NAV2: variants seen among roughly 807,000 people sequenced by gnomAD.
The protein encoded by NAV2 is helicase, APC down-regulated 1.
A neutral mutation model predicts 223.2 loss-of-function variants in NAV2; 54 were observed. The observed-to-expected ratio is 0.24, with a 90% CI of 0.19 to 0.30. NAV2 has a LOEUF of 0.30. NAV2 is among the 10% of genes least tolerant of loss of function. NAV2 has a pLI of 1.00. For synonymous variants in NAV2, 1,279 were observed against 1,239.3 expected (o/e 1.03, Z -0.67); for missense variants, 2,806 against 3,147.5 (o/e 0.89, Z 2.60).
rs1591361351 is a variant in NAV2, at chr11:19,944,667, CTCTTT to C, written c.2147-1729_2147-1725del. On this transcript the variant is annotated intron_variant, in intron 8 of 37. Coordinates refer to ENST00000349880, the MANE Select transcript of NAV2 (RefSeq NM_145117.5). The stretch of plus-strand genomic sequence containing the variant: ...CTTTTCTTTCCTTTCCTTTTCTTTT[CTCTTT>C]TCTTCTCTTCTCTTTTCTTTCTTTC... 4.6e-5 allele frequency among the ~76,000 whole-genome samples: 5 copies of C among 108,356 alleles called. No homozygotes were observed. The East Asian group carries it at 1.0e-3, about 23-fold the overall frequency. 71.1% of individuals were successfully genotyped at this position (108,356 alleles called of 152,430 possible). A position where few individuals can be genotyped will look rare whatever the true frequency, so the allele number is the denominator to read the frequency against.
At position 19,493,978 on chromosome 11, in the gene NAV2, T is replaced by C. The variant is rs562428157; in HGVS notation, c.75+142951T>C. ...CTCTTAGCAGGAGAACTGTTTGATCTCCCTCTGGCTGGATCTGTAGCTGTG... is the reference window on the plus strand; with the variant it reads ...CTCTTAGCAGGAGAACTGTTTGATCCCCCTCTGGCTGGATCTGTAGCTGTG... On this transcript the variant is annotated intron_variant, in intron 1 of 37. Transcript: ENST00000360655. Among the ~76,000 whole-genome samples, 221 of 152,364 alleles carry C rather than the reference T, an allele frequency of 1.5e-3. 1 individual carries two copies. Among genetic ancestry groups the C allele is most frequent in the Non-Finnish European group, 2.5e-3 (171 of 68,030 alleles).
At chr11:19,482,437 ATTG>A (rs1429712190) in intron 1 of NAV2, among the ~76,000 whole-genome samples, 1 of 152,152 alleles carries the variant, frequency 6.6e-6, no homozygotes, top group Non-Finnish European at 1.5e-5. Flanking sequence ...CCCCGGGGTT[ATTG>A]TTGCCTGTGG....
At chr11:19,902,263 A>T (rs1027418428) in intron 6 of NAV2, among the ~76,000 whole-genome samples, 1 of 152,190 alleles carries the variant, frequency 6.6e-6, no homozygotes, top group African/African-American at 2.4e-5. Flanking sequence ...CATTTTCTTG[A>T]TCTACTGTGT....
At chr11:20,102,340 C>T (rs964493378) in intron 32 of NAV2, among the ~76,000 whole-genome samples, 10 of 152,166 alleles carry the variant, frequency 6.6e-5, no homozygotes, top group African/African-American at 2.4e-4. Flanking sequence ...ATGTTACCCC[C>T]TGAGCAAGCA....
intron 1 of NAV2, among the ~76,000 whole-genome samples, chr11:19,609,462 G>T (rs538033758): frequency 7.2e-5 from 11 of 152,154 alleles, no homozygotes; most frequent in Non-Finnish European, 1.0e-4. Context: ...GGGAAGAAGA[G>T]CAGGTGAAGG....
At chr11:19,692,752 C>A (rs2049215359) in intron 1 of NAV2, among the ~76,000 whole-genome samples, 1 of 152,154 alleles carries the variant, frequency 6.6e-6, no homozygotes, top group South Asian at 2.1e-4. Flanking sequence ...AGCCAGGCAT[C>A]GTTCTAGACT....
intron 6 of NAV2, among the ~76,000 whole-genome samples, chr11:19,928,901 A>G (rs575253773): frequency 6.6e-6 from 1 of 152,074 alleles, no homozygotes; most frequent in Non-Finnish European, 1.5e-5. Context: ...TTAACTTACT[A>G]TCTGAGAAGC....
chr11:19,852,811 A>G (rs2061221311), intron 3 of NAV2, among the ~76,000 whole-genome samples: 1 of 152,198 alleles, frequency 6.6e-6, no homozygotes. Flanking sequence ...TTTTTCTCAG[A>G]TGAGAAAGCT....
intron 7 of NAV2, among the ~76,000 whole-genome samples, chr11:19,936,673 C>T (rs868287993): frequency 1.7e-4 from 26 of 152,212 alleles, no homozygotes; most frequent in African/African-American, 5.8e-4. Context: ...CTGAGGTCTT[C>T]GGCACTGGCT....
rs868596863 is a variant in NAV2 at position 19,928,671 on chromosome 11, C to A, written c.932-4505C>A. On this transcript the variant is annotated intron_variant, in intron 6 of 37. Coordinates refer to ENST00000349880, the MANE Select transcript of NAV2 (RefSeq NM_145117.5). ...CATACCTTGACCCAGCCGGTTTTCT[C>A]CATCAAGATTGGAAATCACCCAGCT... Among the ~76,000 whole-genome samples, 6 of 152,320 alleles carry A rather than the reference C, an allele frequency of 3.9e-5. No homozygotes were observed. The Middle Eastern group carries it at 0.014, about 345-fold the overall frequency.
intron 1 of NAV2, among the ~76,000 whole-genome samples, chr11:19,785,672 G>A (rs893490403): frequency 2.8e-5 from 4 of 141,116 alleles, no homozygotes; most frequent in East Asian, 3.9e-4. Context: ...AGCACTAATT[G>A]CAGTAGTAAA....
At chr11:19,628,158 T>C (rs1318247592) in intron 1 of NAV2, among the ~76,000 whole-genome samples, 1 of 152,080 alleles carries the variant, frequency 6.6e-6, no homozygotes, top group Non-Finnish European at 1.5e-5. Flanking sequence ...CCCTGGATGC[T>C]CCCCATCCGG....
chr11:19,903,860 A>G (rs967876250), intron 6 of NAV2, among the ~76,000 whole-genome samples: 5 of 152,152 alleles, frequency 3.3e-5, no homozygotes, highest in African/African-American at 1.2e-4. Flanking sequence ...TGTTTCCTCA[A>G]TTTAGGAGAA....
chr11:19,701,372 G>A (rs1187421757), intron 1 of NAV2, among the ~76,000 whole-genome samples: 2 of 152,184 alleles, frequency 1.3e-5, no homozygotes, highest in Non-Finnish European at 2.9e-5. Flanking sequence ...TCGGCCAGCC[G>A]CCTTTGAAAA....
intron 1 of NAV2, among the ~76,000 whole-genome samples, chr11:19,442,006 C>G (rs954308156): frequency 1.3e-5 from 2 of 152,238 alleles, no homozygotes; most frequent in Non-Finnish European, 2.9e-5. Flanking sequence ...GCTCTGTTCC[C>G]CCATCATCTC....
At chr11:19,618,082 T>C (rs1286701120) in intron 1 of NAV2, among the ~76,000 whole-genome samples, 2 of 152,276 alleles carry the variant, frequency 1.3e-5, no homozygotes, top group African/African-American at 4.8e-5. Context: ...CTGTTTGTTG[T>C]CTTTCATTCC....
chr11:20,076,386 G>A (rs559436451), intron 22 of NAV2, among the ~76,000 whole-genome samples: 7 of 152,308 alleles, frequency 4.6e-5, no homozygotes, highest in Non-Finnish European at 8.8e-5. Context: ...GGTAGACATG[G>A]TGTCAGTCCT....
intron 17 of NAV2, 36 bp downstream of exon 17, chr11:20,051,369 T>C: frequency 6.2e-7 from 1 of 1,605,506 alleles, no homozygotes; most frequent in South Asian, 1.1e-5. Flanking sequence ...GTGCCATCTG[T>C]TGTGGCTTTG....
chr11:19,729,690 A>C (rs986232175), intron 1 of NAV2, among the ~76,000 whole-genome samples: 167 of 152,188 alleles, frequency 1.1e-3, no homozygotes, highest in African/African-American at 3.9e-3. Flanking sequence ...AGATGATAGG[A>C]GATGTTGAGT....
Sources: allele counts gnomAD v4.1 joint callset (sites outside exome capture counted in the v4.1 genomes callset), GRCh38; gene constraint gnomAD v4.1.1; transcripts MANE v1.5; gene names NCBI Gene and HGNC (gene_info 2026-07-23, HGNC 2026-07-21).